Variants in EYS observed in about 807,000 individuals in gnomAD.
The protein encoded by EYS is protein eyes shut homolog.
Under a neutral mutation model 282.1 loss-of-function variants are expected in EYS, and 250 were observed. The observed-to-expected ratio is 0.89, with a 90% CI of 0.80 to 0.98. The LOEUF is 0.98. Among genes scored for constraint, EYS ranks in the 50% least tolerant of loss-of-function variants. The pLI, the probability that EYS is intolerant of heterozygous loss-of-function variation, is 0.00. For synonymous variants in EYS, 1,355 were observed against 1,282.9 expected (o/e 1.06, Z -1.20); for missense variants, 4,016 against 3,709.0 (o/e 1.08, Z -2.15).
At chr6:64,994,074 T>C (rs1771167075) in intron 14 of EYS, among the ~76,000 whole-genome samples, 1 of 151,900 alleles carries the variant, frequency 6.6e-6, no homozygotes, top group Non-Finnish European at 1.5e-5. Context: ...ATTAATTTGA[T>C]CATACATATT....
chr6:65,186,663 T>C (rs1259682991), intron 12 of EYS, among the ~76,000 whole-genome samples: 1 of 151,784 alleles, frequency 6.6e-6, no homozygotes, highest in African/African-American at 2.4e-5. Context: ...CATAAATATC[T>C]ACTTTAAAAC....
chr6:64,189,834 G>A (rs1343673155), intron 31 of EYS, among the ~76,000 whole-genome samples: 2 of 152,090 alleles, frequency 1.3e-5, no homozygotes, highest in Non-Finnish European at 2.9e-5. Context: ...CAGTAGAATC[G>A]AATAATTGCA....
intron 21 of EYS, among the ~76,000 whole-genome samples, chr6:64,814,929 A>ACTTTTTT (rs1162483217): frequency 1.3e-5 from 2 of 151,972 alleles, no homozygotes; most frequent in Non-Finnish European, 2.9e-5. Context: ...TATGCTTACA[A>ACTTTTTT]ATATTTAGTG....
intron 26 of EYS, among the ~76,000 whole-genome samples, chr6:64,550,769 G>A (rs376585395): frequency 6.6e-6 from 1 of 151,958 alleles, no homozygotes; most frequent in African/African-American, 2.4e-5. Context: ...AAAGTCTCAG[G>A]ATACAAAATC....
Position 65,661,868 on chromosome 6 carries a change from T to C in EYS, c.-447-21976A>G, listed in dbSNP as rs188386374. Among the ~76,000 whole-genome samples, 30 of 152,256 alleles carry C rather than the reference T, an allele frequency of 2.0e-4. 1 individual carries two copies. The East Asian group carries it at 5.2e-3, about 26-fold the overall frequency. On this transcript the variant is annotated intron_variant, in intron 1 of 42. Coordinates refer to ENST00000503581, the MANE Select transcript of EYS (RefSeq NM_001142800.2). ...TCTTGGAAAATGCATATTAGGCTGA[T>C]CTATAAAACTTTGAATTCCTACTTA...
intron 35 of EYS, among the ~76,000 whole-genome samples, chr6:63,911,321 T>C (rs1049710965): frequency 4.6e-5 from 7 of 152,208 alleles, no homozygotes; most frequent in Non-Finnish European, 8.8e-5. Context: ...ATATGTCTGC[T>C]CCTTCCAACA....
At chr6:64,489,544 ATTAATATAAAAATT>A (rs1212833219) in intron 26 of EYS, among the ~76,000 whole-genome samples, 1 of 147,362 alleles carries the variant, frequency 6.8e-6, no homozygotes, top group Non-Finnish European at 1.5e-5. Context: ...AAATATTTTA[ATTAATATAAAAATT>A]TTAATATAAA....
intron 26 of EYS, among the ~76,000 whole-genome samples, chr6:64,578,488 T>C (rs988835446): frequency 6.6e-6 from 1 of 152,094 alleles, no homozygotes; most frequent in Non-Finnish European, 1.5e-5. Flanking sequence ...TCAATCCTGA[T>C]GGTAGAATGT....
intron 35 of EYS, among the ~76,000 whole-genome samples, chr6:63,941,504 A>T (rs1302736934): frequency 6.6e-6 from 1 of 152,112 alleles, no homozygotes; most frequent in African/African-American, 2.4e-5. Flanking sequence ...GTCTGTTCAT[A>T]TCCTTCGTCC....
chr6:63,986,951 A>G (rs941130972), intron 34 of EYS, among the ~76,000 whole-genome samples: 1 of 151,534 alleles, frequency 6.6e-6, no homozygotes, highest in East Asian at 1.9e-4. Flanking sequence ...AACAAAAAAA[A>G]GAAGTCAGAC....
chr6:64,896,472 C>T (rs1269290800), intron 18 of EYS, among the ~76,000 whole-genome samples: 2 of 152,050 alleles, frequency 1.3e-5, no homozygotes, highest in African/African-American at 2.4e-5. Flanking sequence ...GCCTACACCA[C>T]AAGGGCACTG....
intron 2 of EYS, among the ~76,000 whole-genome samples, chr6:65,621,012 A>T (rs1264045344): frequency 6.6e-6 from 1 of 152,144 alleles, no homozygotes; most frequent in Non-Finnish European, 1.5e-5. Context: ...TGTGGTGCTG[A>T]AAAAAATGTA....
intron 5 of EYS, among the ~76,000 whole-genome samples, chr6:65,408,614 AT>A (rs376724547): frequency 6.6e-6 from 1 of 151,724 alleles, no homozygotes; most frequent in Non-Finnish European, 1.5e-5. Context: ...CTTTCCTTGT[AT>A]TTTTTCCTTG....
intron 12 of EYS, among the ~76,000 whole-genome samples, chr6:65,100,730 T>G (rs1774870608): frequency 6.6e-6 from 1 of 150,606 alleles, no homozygotes; most frequent in South Asian, 2.1e-4. Flanking sequence ...TATTGCTGAC[T>G]TCGTTTGTTT....
At chr6:64,869,110 T>C (rs1174641860) in intron 19 of EYS, among the ~76,000 whole-genome samples, 1 of 151,530 alleles carries the variant, frequency 6.6e-6, no homozygotes, top group East Asian at 1.9e-4. Context: ...CTTCATTTTA[T>C]ATTTTATATG....
At chr6:65,162,257 CAT>C (rs1764867936) in intron 12 of EYS, among the ~76,000 whole-genome samples, 1 of 151,098 alleles carries the variant, frequency 6.6e-6, no homozygotes, top group Non-Finnish European at 1.5e-5. Flanking sequence ...AGACAAGTGA[CAT>C]AATCCATGGG....
At chr6:63,959,317 A>T (rs1054253100) in intron 35 of EYS, among the ~76,000 whole-genome samples, 1 of 152,200 alleles carries the variant, frequency 6.6e-6, no homozygotes, top group African/African-American at 2.4e-5. Context: ...ATGAGATACC[A>T]TTTCATGCCA....
chr6:64,577,780 C>T (rs555408246), intron 26 of EYS, among the ~76,000 whole-genome samples: 12 of 152,162 alleles, frequency 7.9e-5, no homozygotes, highest in Admixed American at 1.3e-4. Context: ...ATCAGAGTTT[C>T]GCTTTATAAT....
At chr6:63,791,564 C>T (rs1270754691) in intron 37 of EYS, among the ~76,000 whole-genome samples, 5 of 137,272 alleles carry the variant, frequency 3.6e-5, no homozygotes, top group African/African-American at 1.4e-4. Flanking sequence ...GGCAACAGAG[C>T]GAGACTCCCT....
Sources: gnomAD v4.1 joint callset for allele counts (sites outside exome capture counted in the v4.1 genomes callset) on GRCh38, gnomAD v4.1.1 for gene constraint, MANE v1.5 for transcripts, NCBI Gene and HGNC (gene_info 2026-07-23, HGNC 2026-07-21) for gene names.